ARHGEF11: variants seen among roughly 807,000 people sequenced by gnomAD.
The protein encoded by ARHGEF11 is Rho guanine exchange factor (GEF) 11.
Under a neutral mutation model 193.7 loss-of-function variants are expected in ARHGEF11, and 55 were observed. The observed-to-expected ratio is 0.28, with a 90% CI of 0.23 to 0.36. ARHGEF11 has a LOEUF of 0.36. Among genes scored for constraint, ARHGEF11 ranks in the 10% least tolerant of loss-of-function variants. The probability of loss-of-function intolerance (pLI) is 1.00; values close to 1 mark genes in which losing one functional copy is unlikely to be tolerated. For missense variants in ARHGEF11, 1,723 were observed against 2,005.6 expected, an observed-to-expected ratio of 0.86 and a Z score of 2.69; for synonymous variants, 693 against 768.0, an observed-to-expected ratio of 0.90 and a Z score of 1.62.
intron 7 of ARHGEF11, among the ~76,000 whole-genome samples, chr1:156,974,642 T>G (rs548747192): frequency 6.6e-6 from 1 of 152,352 alleles, no homozygotes; most frequent in Admixed American, 6.5e-5. Context: ...AAAAGAAAGC[T>G]GGTACCTGTA....
chr1:156,984,245 GC>G, intron 3 of ARHGEF11, 93 bp downstream of exon 3: 1 of 997,278 alleles, frequency 1.0e-6, no homozygotes, highest in Non-Finnish European at 1.5e-6. Context: ...ATTCATTCAT[GC>G]CCCACAGGAA....
intron 5 of ARHGEF11, 101 bp downstream of exon 5, chr1:156,979,128 A>G: frequency 8.7e-7 from 1 of 1,148,778 alleles, no homozygotes; most frequent in Non-Finnish European, 1.3e-6. Flanking sequence ...ATATCTACAA[A>G]GGAAACCTCC....
chr1:156,970,817 GATTA>G (rs1557880778), intron 8 of ARHGEF11, among the ~76,000 whole-genome samples: 2 of 152,184 alleles, frequency 1.3e-5, no homozygotes, highest in Admixed American at 1.3e-4. Context: ...GGCTCCTATG[GATTA>G]ATTAACTTGC....
chr1:156,972,107 A>G (rs188505629), intron 7 of ARHGEF11, among the ~76,000 whole-genome samples: 41 of 152,310 alleles, frequency 2.7e-4, no homozygotes, highest in Admixed American at 5.2e-4. Flanking sequence ...CCACATCCCA[A>G]ATGAGGCCTT....
intron 1 of ARHGEF11, among the ~76,000 whole-genome samples, chr1:157,011,753 G>A (rs548712522): frequency 2.0e-5 from 3 of 152,238 alleles, no homozygotes; most frequent in Non-Finnish European, 2.9e-5. Context: ...AGTTATTAAG[G>A]AAATGCAAAT....
intron 11 of ARHGEF11, 27 bp downstream of exon 11, chr1:156,967,960 A>G (rs1302466660): frequency 9.9e-6 from 16 of 1,613,178 alleles, no homozygotes; most frequent in Non-Finnish European, 1.4e-5. Flanking sequence ...GAAAAGGAAA[A>G]CTGCAGGGTG....
intron 1 of ARHGEF11, among the ~76,000 whole-genome samples, chr1:157,000,435 G>A (rs1014729337): frequency 4.6e-5 from 7 of 152,106 alleles, no homozygotes; most frequent in East Asian, 1.9e-4. Flanking sequence ...TACTTGAGTC[G>A]ACTTTTGATT....
At chr1:156,953,981 A>C (rs1659512457) in intron 21 of ARHGEF11, among the ~76,000 whole-genome samples, 1 of 152,206 alleles carries the variant, frequency 6.6e-6, no homozygotes, top group Non-Finnish European at 1.5e-5. Flanking sequence ...GTAGATGATA[A>C]GAACAAAAAT....
chr1:156,977,087 AG>A (rs1663373664), intron 6 of ARHGEF11, 33 bp from the exon 7 acceptor site: 1 of 1,589,420 alleles, frequency 6.3e-7, no homozygotes, highest in Non-Finnish European at 8.6e-7. Flanking sequence ...TATAAGAGTT[AG>A]GGACTAACTC....
intron 21 of ARHGEF11, among the ~76,000 whole-genome samples, chr1:156,953,768 G>C (rs1473892198): frequency 1.3e-5 from 2 of 152,096 alleles, no homozygotes; most frequent in African/African-American, 4.8e-5. Context: ...AAATGAACTT[G>C]CTCAATTCTG....
At chr1:157,040,347 A>C (rs904970326) in intron 1 of ARHGEF11, among the ~76,000 whole-genome samples, 1 of 152,234 alleles carries the variant, frequency 6.6e-6, no homozygotes, top group Non-Finnish European at 1.5e-5. Context: ...CCCAGGAGTC[A>C]ATAAAGACCA....
chr1:156,964,295 TATG>T (rs1450473859), intron 11 of ARHGEF11, among the ~76,000 whole-genome samples: 2 of 152,234 alleles, frequency 1.3e-5, no homozygotes, highest in African/African-American at 4.8e-5. Flanking sequence ...ATGGATTAGG[TATG>T]ATAAGACTTC....
chr1:156,968,012 G>C lies in ARHGEF11; in HGVS notation c.938C>G (p.Ala313Gly), dbSNP rs1267871600. The C allele has an allele frequency of 1.2e-6, 2 of 1,614,118 alleles. No individual in the cohort carries two copies. Among genetic ancestry groups the C allele is most frequent in the Non-Finnish European group, 1.7e-6 (2 of 1,180,040 alleles). ...AQHHRRQGSD[A>G]AVPSTGDQGV... is the part of the protein sequence containing the mutation. ...CTGGTCACCGGTTGAGGGGACTGCT[G>C]CATCCGAGCCCTGCCGCCTGTGGTG... The change falls in exon 11 of 41, where the codon GCA (alanine) becomes GGA (glycine). Residue 313 changes from alanine to glycine, a missense_variant. Ala to Gly is a moderately conservative substitution (Grantham distance 60, BLOSUM62 0). Coordinates refer to ENST00000368194, the MANE Select transcript of ARHGEF11 (RefSeq NM_198236.3).
chr1:156,969,046 C>T (rs187973312), intron 10 of ARHGEF11, among the ~76,000 whole-genome samples: 143 of 152,358 alleles, frequency 9.4e-4, no homozygotes, highest in African/African-American at 3.4e-3. Flanking sequence ...CCACCCTACT[C>T]TTTATATAAC....
At chr1:156,958,719 T>C in intron 17 of ARHGEF11, 23 bp downstream of exon 17, 1 of 1,613,370 alleles carries the variant, frequency 6.2e-7, no homozygotes, top group South Asian at 1.1e-5. Flanking sequence ...TTCAGTGGGG[T>C]GGGAGGAAGC....
At chr1:157,037,524 A>G in intron 1 of ARHGEF11, among the ~76,000 whole-genome samples, 2 of 152,148 alleles carry the variant, frequency 1.3e-5, no homozygotes, top group East Asian at 3.8e-4. Context: ...GCCACCCCAG[A>G]CAGAACCTTG....
At chr1:156,989,786 T>C (rs1426353575) in intron 1 of ARHGEF11, among the ~76,000 whole-genome samples, 1 of 152,218 alleles carries the variant, frequency 6.6e-6, no homozygotes, top group Admixed American at 6.5e-5. Flanking sequence ...TACATTAACA[T>C]TGAAGAAGTA....
At chr1:156,956,226 C>T (rs544492855) in intron 19 of ARHGEF11, among the ~76,000 whole-genome samples, 194 bp downstream of exon 19, 11 of 152,244 alleles carry the variant, frequency 7.2e-5, no homozygotes, top group Non-Finnish European at 1.2e-4. Context: ...AAGCAATACT[C>T]GTGCCTCAGC....
intron 1 of ARHGEF11, among the ~76,000 whole-genome samples, chr1:156,998,489 G>A (rs1002349565): frequency 4.6e-5 from 7 of 152,170 alleles, no homozygotes; most frequent in Admixed American, 6.6e-5. Flanking sequence ...TATTTTCTGC[G>A]AACCTCAGTT....
Sources: gnomAD v4.1 joint callset for allele counts (sites outside exome capture counted in the v4.1 genomes callset) on GRCh38, gnomAD v4.1.1 for gene constraint, MANE v1.5 for transcripts, NCBI Gene and HGNC (gene_info 2026-07-23, HGNC 2026-07-21) for gene names.